The following TMEM165 variants were observed in gnomAD, a reference collection of about 807,000 sequenced individuals.
TMEM165 encodes the protein transmembrane protein 165.
In TMEM165, 19 loss-of-function variants were observed where a neutral mutation model predicts 30.0. The observed-to-expected ratio is 0.63, with a 90% CI of 0.44 to 0.93. The LOEUF is 0.93. TMEM165 is among the 40% of genes least tolerant of loss of function. TMEM165 has a pLI of 0.00. For missense variants in TMEM165, 340 were observed against 417.0 expected, an observed-to-expected ratio of 0.82 and a Z score of 1.61; for synonymous variants, 168 against 162.9, an observed-to-expected ratio of 1.03 and a Z score of -0.24.
chr4:55,442,518 T>C (rs1383220836), intron 3 of TMEM165: 1 of 1,609,824 alleles, frequency 6.2e-7, no homozygotes, highest in South Asian at 1.1e-5. Flanking sequence ...GGACCATGCT[T>C]CCGGCTGCAG....
chr4:55,400,047 G>T, intron 1 of TMEM165, among the ~76,000 whole-genome samples: 2 of 131,556 alleles, frequency 1.5e-5, no homozygotes, highest in Non-Finnish European at 1.6e-5. Flanking sequence ...GTCTCACTAT[G>T]TTGCTCAGCC....
Position 55,411,709 on chromosome 4 carries a change from A to G in TMEM165, c.303A>G (p.Ile101Met). Reference protein sequence around the residue: ...LGFIHAFVAAISVIIVSELGD... With the variant: ...LGFIHAFVAAMSVIIVSELGD... ...TTATCCATGCATTTGTCGCTGCCAT[A>G]TCAGTTATTATTGTATCTGAATTGG... The change falls in exon 2 of 6, where the codon ATA (isoleucine) becomes ATG (methionine). Residue 101 changes from isoleucine (I) to methionine (M), a missense_variant. Physicochemically the swap from Ile to Met is conservative, Grantham distance 10 (BLOSUM62 1). This residue lies in a region of TMEM165 where 220 missense variants were observed against 307.6 expected (regional missense o/e 0.72). Coordinates refer to ENST00000381334, the MANE Select transcript of TMEM165 (RefSeq NM_018475.5). The G allele has an allele frequency of 6.2e-7, 1 of 1,614,118 alleles. No homozygotes were observed. Among genetic ancestry groups the G allele is most frequent in the Non-Finnish European group, 8.5e-7 (1 of 1,179,992 alleles).
At chr4:55,402,425 A>ATATATATATATATG (rs1721050959) in intron 1 of TMEM165, among the ~76,000 whole-genome samples, 1 of 42,704 alleles carries the variant, frequency 2.3e-5, no homozygotes, top group Admixed American at 4.0e-4. Flanking sequence ...ATATATATAT[A>ATATATATATATATG]TATATATATT....
At chr4:55,403,113 A>G (rs776966919) in intron 1 of TMEM165, 71 of 488,266 alleles carry the variant, frequency 1.5e-4, no homozygotes, top group Non-Finnish European at 2.1e-4. Context: ...TTTTTGACTT[A>G]GTAGTGCCCA....
At chr4:55,440,725 G>A (rs938803802) in intron 3 of TMEM165, among the ~76,000 whole-genome samples, 2 of 152,150 alleles carry the variant, frequency 1.3e-5, no homozygotes, top group Non-Finnish European at 2.9e-5. Flanking sequence ...ATTAGCCCAT[G>A]GCTCACTGGT....
At chr4:55,426,995 G>GTT (rs1722232273), downstream of TMEM165, among the ~76,000 whole-genome samples, 3 of 150,526 alleles carry the variant, frequency 2.0e-5, no homozygotes, top group South Asian at 6.3e-4. Flanking sequence ...GCCTTAGATT[G>GTT]TTTGTTTGTT....
chr4:55,412,714 C>G (rs909242490), intron 2 of TMEM165: 16 of 152,102 alleles, frequency 1.1e-4, no homozygotes, highest in African/African-American at 3.9e-4. Context: ...TGTCCACCCC[C>G]ACTGCTTCAC....
chr4:55,422,316 G>A (rs1722015023), intron 4 of TMEM165, among the ~76,000 whole-genome samples: 1 of 152,126 alleles, frequency 6.6e-6, no homozygotes, highest in South Asian at 2.1e-4. Flanking sequence ...GGAGTACAGT[G>A]GCACAATCTT....
intron 3 of TMEM165, among the ~76,000 whole-genome samples, chr4:55,449,171 T>TA (rs5858334): frequency 2.3e-4 from 34 of 148,314 alleles, no homozygotes; most frequent in South Asian, 2.1e-4. Context: ...TTTCCACAAT[T>TA]AAAAAAAAAA....
intron 4 of TMEM165, among the ~76,000 whole-genome samples, chr4:55,420,104 A>AAAAAAAT (rs1721903479): frequency 2.4e-5 from 1 of 41,740 alleles, no homozygotes; most frequent in East Asian, 4.3e-3. Flanking sequence ...TTAAGAAAAA[A>AAAAAAAT]AAATATATAT....
intron 1 of TMEM165, among the ~76,000 whole-genome samples, chr4:55,398,595 T>G (rs1015523083): frequency 2.0e-5 from 3 of 152,202 alleles, no homozygotes; most frequent in Non-Finnish European, 2.9e-5. Context: ...TCTCCTTTTT[T>G]GGGAACTTTA....
At chr4:55,420,106 A>AAAT (rs1474254120) in intron 4 of TMEM165, among the ~76,000 whole-genome samples, 2 of 45,444 alleles carry the variant, frequency 4.4e-5, no homozygotes, top group South Asian at 2.0e-3. Context: ...AAGAAAAAAA[A>AAAT]ATATATATAT....
At position 55,420,307 on chromosome 4, in the gene TMEM165, G is replaced by A. The variant is rs539653462; in HGVS notation, c.792+2322G>A. Among the ~76,000 whole-genome samples, 229 of 150,760 alleles carry A rather than the reference G, an allele frequency of 1.5e-3. 1 individual carries two copies. The highest frequency in any genetic ancestry group is 4.8e-3 in the African/African-American group (199 of 41,176). On this transcript the variant is annotated intron_variant, in intron 4 of 5. Transcript: ENST00000381334. Reference sequence around the variant, plus strand: ...GTTATCATGACAGCAGAATCACTGCGTTTTTCTCTCTACTCTGTGGCATAG... The same window carrying A: ...GTTATCATGACAGCAGAATCACTGCATTTTTCTCTCTACTCTGTGGCATAG...
At chr4:55,422,363 T>G (rs186913831) in intron 4 of TMEM165, among the ~76,000 whole-genome samples, 2 of 152,094 alleles carry the variant, frequency 1.3e-5, no homozygotes, top group East Asian at 3.9e-4. Flanking sequence ...GTCCAAGCGA[T>G]TCTTCTGCCT....
chr4:55,432,477 T>TTG (rs1296620775), intron 3 of TMEM165: 1 of 148,388 alleles, frequency 6.7e-6, no homozygotes, highest in Non-Finnish European at 1.5e-5. Context: ...GGGAAGACTT[T>TTG]TTTTTTTTTT....
chr4:55,435,171 C>T (rs1023129239), intron 3 of TMEM165: 12 of 523,914 alleles, frequency 2.3e-5, no homozygotes, highest in Non-Finnish European at 3.8e-5. Context: ...CAAAAAATAT[C>T]CAGGCACCTA....
intron 3 of TMEM165, chr4:55,432,904 G>C (rs562519932): frequency 6.5e-6 from 1 of 152,768 alleles, no homozygotes; most frequent in South Asian, 2.1e-4. Context: ...GACAATGTGA[G>C]TAAACAGTTT....
intron 2 of TMEM165, chr4:55,412,598 CT>C (rs1213681836): frequency 3.3e-5 from 5 of 151,842 alleles, no homozygotes; most frequent in African/African-American, 1.2e-4. Flanking sequence ...TAATTTTACT[CT>C]AATGATTATA....
intron 3 of TMEM165, among the ~76,000 whole-genome samples, chr4:55,446,402 G>A (rs1723854025): frequency 6.6e-6 from 1 of 152,108 alleles, no homozygotes; most frequent in South Asian, 2.1e-4. Context: ...AAAGGAAAAA[G>A]TAGTCTGCAC....
Sources: gnomAD v4.1 joint callset for allele counts (sites outside exome capture counted in the v4.1 genomes callset) on GRCh38, gnomAD v4.1.1 for gene constraint, gnomAD v4.1.1 regional missense constraint, MANE v1.5 for transcripts, NCBI Gene and HGNC (gene_info 2026-07-23, HGNC 2026-07-21) for gene names.